The following ATP8B4 variants were observed in gnomAD, a reference collection of about 807,000 sequenced individuals.
ATP8B4 encodes the protein ATPase phospholipid transporting 8B4 (putative).
A neutral mutation model predicts 145.6 loss-of-function variants in ATP8B4; 133 were observed. The observed-to-expected ratio is 0.91, with a 90% confidence interval of 0.79 to 1.05. The LOEUF (loss-of-function observed/expected upper bound fraction) is 1.05, where lower values mean the gene tolerates loss of function less well. Among genes scored for constraint, ATP8B4 ranks in the 50% least tolerant of loss-of-function variants. ATP8B4 has a pLI of 0.00. For synonymous variants in ATP8B4, 507 were observed against 492.9 expected (o/e 1.03, Z -0.38); for missense variants, 1,458 against 1,425.2 (o/e 1.02, Z -0.37).
Position 49,901,087 on chromosome 15 carries a change from C to T in ATP8B4, c.2289+5G>A, listed in dbSNP as rs1304385352. The T allele has an allele frequency of 5.0e-6, 8 of 1,610,412 alleles. No homozygotes were observed. The highest frequency in any genetic ancestry group is 4.0e-5 in the African/African-American group (3 of 74,698). On this transcript the variant is annotated splice_donor_5th_base_variant and intron_variant, in intron 21 of 27. Transcript: ENST00000284509. ...AGAAAGGACAAAAACCTTAGGCAAA[C>T]TCACCAAACTGTGGCCATTTATGAT...
intron 14 of ATP8B4, among the ~76,000 whole-genome samples, 168 bp downstream of exon 14, chr15:49,961,804 GGTTCA>G (rs1465218324): frequency 6.6e-6 from 1 of 151,706 alleles, no homozygotes; most frequent in Non-Finnish European, 1.5e-5. Context: ...CTCTGTGGTT[GGTTCA>G]GTAATATGAG....
chr15:49,950,621 A>AAC (rs1187951891), intron 14 of ATP8B4, among the ~76,000 whole-genome samples: 13 of 133,334 alleles, frequency 9.7e-5, no homozygotes, highest in African/African-American at 1.5e-4. Flanking sequence ...CAAACAAACA[A>AAC]AAAAAACAAC....
At position 49,962,044 on chromosome 15, in the gene ATP8B4, TA is replaced by T. The variant is rs776419874; in HGVS notation, c.1244-25del. The T allele has an allele frequency of 5.9e-5, 92 of 1,568,038 alleles. No individual in the cohort carries two copies. In the Middle Eastern group the frequency reaches 6.8e-4, roughly 12 times the overall value. ...ACCTGACAAAACAAAAATTGAGAAT[TA>T]AAAGTAAGTGAAACCGAAATTAGAA... On this transcript the variant is annotated intron_variant, in intron 13 of 27. Transcript: ENST00000284509.
chr15:50,041,673 G>A (rs1410573208), intron 5 of ATP8B4, among the ~76,000 whole-genome samples: 1 of 152,188 alleles, frequency 6.6e-6, no homozygotes, highest in African/African-American at 2.4e-5. Context: ...GCCAGGCATG[G>A]TGGCTCATGC....
At chr15:50,003,621 G>A (rs973282903) in intron 7 of ATP8B4, among the ~76,000 whole-genome samples, 24 of 152,058 alleles carry the variant, frequency 1.6e-4, no homozygotes, top group African/African-American at 5.8e-4. Flanking sequence ...CCAGGCACAA[G>A]GCACTAAACA....
At chr15:49,878,910 A>G (rs1307278735) in intron 24 of ATP8B4, among the ~76,000 whole-genome samples, 1 of 152,148 alleles carries the variant, frequency 6.6e-6, no homozygotes, top group Non-Finnish European at 1.5e-5. Flanking sequence ...CTGTGTTCCA[A>G]CCTAGCCCCA....
intron 1 of ATP8B4, among the ~76,000 whole-genome samples, chr15:50,165,970 AACACACACAC>A (rs149302745): frequency 1.4e-5 from 2 of 146,988 alleles, no homozygotes; most frequent in Non-Finnish European, 3.0e-5. Context: ...AATCCCAGAG[AACACACACAC>A]ACACACACAC....
intron 8 of ATP8B4, among the ~76,000 whole-genome samples, chr15:49,997,044 C>A (rs1404236044): frequency 1.3e-5 from 2 of 152,092 alleles, no homozygotes; most frequent in Non-Finnish European, 2.9e-5. Flanking sequence ...TTCATTTGAA[C>A]CTACTCAGAC....
intron 25 of ATP8B4, among the ~76,000 whole-genome samples, chr15:49,870,497 G>A (rs1460992026): frequency 6.6e-6 from 1 of 152,030 alleles, no homozygotes; most frequent in Non-Finnish European, 1.5e-5. Flanking sequence ...ACTTAAATTT[G>A]GCCTGTAGCA....
chr15:50,147,900 C>T (rs2044299869), intron 1 of ATP8B4, among the ~76,000 whole-genome samples: 1 of 152,180 alleles, frequency 6.6e-6, no homozygotes. Context: ...GTGCCAAAAT[C>T]ATTCAGTGGG....
chr15:49,986,854 C>T (rs891287054), intron 10 of ATP8B4, among the ~76,000 whole-genome samples: 24 of 151,742 alleles, frequency 1.6e-4, no homozygotes, highest in African/African-American at 5.8e-4. Flanking sequence ...TAAGAGGCAC[C>T]TCCTCCCACC....
chr15:49,928,290 G>T (rs948932059), intron 16 of ATP8B4, among the ~76,000 whole-genome samples: 3 of 152,078 alleles, frequency 2.0e-5, no homozygotes, highest in African/African-American at 4.8e-5. Flanking sequence ...TTGAAAAATG[G>T]GTAACATTTG....
chr15:50,051,961 A>G (rs557859675), intron 3 of ATP8B4, among the ~76,000 whole-genome samples: 2 of 152,200 alleles, frequency 1.3e-5, no homozygotes, highest in Non-Finnish European at 2.9e-5. Context: ...GTTCTGTTGT[A>G]ACTTAGTCAC....
intron 1 of ATP8B4, among the ~76,000 whole-genome samples, chr15:50,140,702 A>C (rs2044194781): frequency 6.6e-6 from 1 of 152,220 alleles, no homozygotes; most frequent in Non-Finnish European, 1.5e-5. Flanking sequence ...AAAACTACTG[A>C]CATATGATTT....
upstream of ATP8B4, among the ~76,000 whole-genome samples, chr15:50,120,450 C>T (rs561007101): frequency 4.6e-5 from 7 of 152,244 alleles, no homozygotes; most frequent in East Asian, 7.7e-4. Flanking sequence ...TTAAACCTAT[C>T]ATATGGGGCA....
At chr15:49,863,209 GGTTATGAA>G (rs1347392912) in intron 26 of ATP8B4, among the ~76,000 whole-genome samples, 1 of 152,128 alleles carries the variant, frequency 6.6e-6, no homozygotes, top group African/African-American at 2.4e-5. Flanking sequence ...TTGTTCACTT[GGTTATGAA>G]GTCCTCAAAG....
At chr15:50,133,422 A>C (rs919131536) in intron 1 of ATP8B4, among the ~76,000 whole-genome samples, 2 of 151,644 alleles carry the variant, frequency 1.3e-5, no homozygotes, top group African/African-American at 4.8e-5. Context: ...CTACAAAAAA[A>C]AAATTACAAA....
At chr15:50,075,379 A>G (rs2054109965) in intron 2 of ATP8B4, among the ~76,000 whole-genome samples, 1 of 152,196 alleles carries the variant, frequency 6.6e-6, no homozygotes, top group Non-Finnish European at 1.5e-5. Flanking sequence ...GTGCAGGCAG[A>G]ATCTCTCTGT....
At chr15:50,050,967 C>G (rs1236134077) in intron 3 of ATP8B4, among the ~76,000 whole-genome samples, 2 of 152,030 alleles carry the variant, frequency 1.3e-5, no homozygotes, top group Non-Finnish European at 2.9e-5. Context: ...GCCATCACTC[C>G]TATCTGTTTT....
Sources: gnomAD v4.1 joint callset for allele counts (sites outside exome capture counted in the v4.1 genomes callset) on GRCh38, gnomAD v4.1.1 for gene constraint, MANE v1.5 for transcripts, NCBI Gene and HGNC (gene_info 2026-07-23, HGNC 2026-07-21) for gene names.